RPS6KA2: variants seen among roughly 807,000 people sequenced by gnomAD.
RPS6KA2 encodes ribosomal protein S6 kinase alpha-2.
A neutral mutation model predicts 91.8 loss-of-function variants in RPS6KA2; 42 were observed. The ratio of observed to expected loss-of-function variants is 0.46; its 90% CI spans 0.36 to 0.59. The LOEUF (loss-of-function observed/expected upper bound fraction) is 0.59, where lower values mean the gene tolerates loss of function less well. Among genes scored for constraint, RPS6KA2 ranks in the 20% least tolerant of loss-of-function variants. RPS6KA2 has a pLI of 0.00. For synonymous variants in RPS6KA2, 414 were observed against 393.6 expected, an observed-to-expected ratio of 1.05 and a Z score of -0.61; for missense variants, 798 against 978.5, an observed-to-expected ratio of 0.82 and a Z score of 2.46.
intron 2 of RPS6KA2, among the ~76,000 whole-genome samples, chr6:166,729,636 T>C (rs781499823): frequency 3.9e-5 from 6 of 152,188 alleles, no homozygotes; most frequent in African/African-American, 7.2e-5. Flanking sequence ...GCCACCACAC[T>C]CACCCTGAAA....
chr6:166,765,253 G>T (rs1032658431), intron 2 of RPS6KA2, among the ~76,000 whole-genome samples: 1 of 152,224 alleles, frequency 6.6e-6, no homozygotes, highest in African/African-American at 2.4e-5. Flanking sequence ...AAAGCCAAGT[G>T]CCATGAGAAG....
At chr6:166,847,701 A>G (rs1265545560) in intron 2 of RPS6KA2, among the ~76,000 whole-genome samples, 1 of 152,178 alleles carries the variant, frequency 6.6e-6, no homozygotes, top group Non-Finnish European at 1.5e-5. Context: ...ATAACTGCCT[A>G]CCCACATGTA....
chr6:166,829,589 C>CAAAAAAAAAAAA (rs57711560), intron 2 of RPS6KA2, among the ~76,000 whole-genome samples: 3 of 96,938 alleles, frequency 3.1e-5, no homozygotes, highest in African/African-American at 1.4e-4. Context: ...GACTCTGTCT[C>CAAAAAAAAAAAA]AAAAAAAAAA....
chr6:166,508,197 G>C lies in RPS6KA2; in HGVS notation c.459+6C>G. On this transcript the variant is annotated splice_donor_region_variant and intron_variant, in intron 5 of 20. Coordinates refer to ENST00000265678, the MANE Select transcript of RPS6KA2 (RefSeq NM_021135.6). This position sits in a 1 kb window ranked among gnomAD's most constrained non-coding sequence, Gnocchi z 4.3. ...CGCCCTCCTGTGTGATGTGGCGGCTGCTCACCTCTTTGGAGAGCCGGGTGA... is the reference window on the plus strand; with the variant it reads ...CGCCCTCCTGTGTGATGTGGCGGCTCCTCACCTCTTTGGAGAGCCGGGTGA... 1 of 1,598,994 alleles carries C rather than the reference G, an allele frequency of 6.3e-7. No homozygotes were observed. Among genetic ancestry groups the C allele is most frequent in the Non-Finnish European group, 8.6e-7 (1 of 1,166,930 alleles).
intron 2 of RPS6KA2, among the ~76,000 whole-genome samples, chr6:166,853,349 A>G (rs1391764645): frequency 3.9e-5 from 6 of 152,226 alleles, no homozygotes; most frequent in Non-Finnish European, 7.3e-5. Flanking sequence ...ATAAAAACTC[A>G]CCTAAAAATC....
At chr6:166,690,577 T>C (rs1338305503) in intron 2 of RPS6KA2, among the ~76,000 whole-genome samples, 1 of 152,074 alleles carries the variant, frequency 6.6e-6, no homozygotes, top group East Asian at 1.9e-4. Context: ...ACTCCAGGCG[T>C]CCTCTGACAC....
At chr6:166,591,496 CCCTAATCCAAGATGACTGGATGACCA>C (rs1248676885) in intron 1 of RPS6KA2, among the ~76,000 whole-genome samples, 2 of 152,086 alleles carry the variant, frequency 1.3e-5, no homozygotes. Context: ...AGGCGAGTGG[CCCTAATCCAAGATGACTGGATGACCA>C]CCTAATCCAA....
chr6:166,521,545 A>C (rs1008470775), intron 3 of RPS6KA2, among the ~76,000 whole-genome samples: 1 of 152,194 alleles, frequency 6.6e-6, no homozygotes, highest in Non-Finnish European at 1.5e-5. Flanking sequence ...TGTCTGTCCT[A>C]TGCTGGTCCC....
chr6:166,431,777 C>T (rs1009619991), intron 15 of RPS6KA2, among the ~76,000 whole-genome samples: 2 of 151,944 alleles, frequency 1.3e-5, no homozygotes, highest in Admixed American at 6.6e-5. Context: ...CCACCACACC[C>T]GGCTAATTTT....
At chr6:166,672,040 G>C (rs1027362360) in intron 2 of RPS6KA2, among the ~76,000 whole-genome samples, 10 of 152,174 alleles carry the variant, frequency 6.6e-5, no homozygotes, top group Non-Finnish European at 1.2e-4. Context: ...CCAAGTGCAC[G>C]ACCTCAGCAT....
chr6:166,432,311 G>A, intron 15 of RPS6KA2, 90 bp downstream of exon 15: 2 of 821,704 alleles, frequency 2.4e-6, no homozygotes, highest in Non-Finnish European at 4.0e-6. Flanking sequence ...GGCATGAGAT[G>A]TGAGAAAGCT....
intron 14 of RPS6KA2, among the ~76,000 whole-genome samples, chr6:166,438,351 G>C (rs139032821): frequency 6.6e-6 from 1 of 152,280 alleles, no homozygotes; most frequent in Non-Finnish European, 1.5e-5. Flanking sequence ...ACGGTCTCAC[G>C]TGAGTACAGA....
intron 2 of RPS6KA2, among the ~76,000 whole-genome samples, chr6:166,804,157 A>G (rs1028267039): frequency 1.5e-5 from 2 of 137,000 alleles, no homozygotes; most frequent in Admixed American, 1.6e-4. Context: ...CTGGAATAAT[A>G]TATGTAAATT....
In RPS6KA2 at chr6:166,666,506, G is replaced by A. The variant is rs996969069; in HGVS notation, c.124-127722C>T. On this transcript the variant is annotated intron_variant, in intron 2 of 21. Coordinates refer to the RPS6KA2 transcript ENST00000503859. The surrounding 1 kb of genome is among the most constrained non-coding windows in gnomAD (Gnocchi z 4.0). ...AGAAGCATATGGAAAGATGCTCAAC[G>A]CCAGTCACTAATCCTTAGGGAAATG... is the stretch of plus-strand genomic sequence containing the variant. Among the ~76,000 whole-genome samples, 5 of 152,154 alleles carry A rather than the reference G, an allele frequency of 3.3e-5. No individual in the cohort carries two copies. Among genetic ancestry groups the A allele is most frequent in the Non-Finnish European group, 4.4e-5 (3 of 68,026 alleles).
At position 166,627,044 on chromosome 6, in the gene RPS6KA2, C is replaced by A. The variant is rs1480539541; in HGVS notation, c.-25G>T. On this transcript the variant is annotated 5_prime_UTR_variant, in exon 1 of 21. Transcript: ENST00000265678. ...TCGCCCCGCGCCCAGCCCGGAGCAG[C>A]CGCAGGGCCGGGGGACGCGCATCCC... 7.1e-7 allele frequency: 1 copy of A among 1,408,950 alleles called. No homozygotes were observed. Among genetic ancestry groups the A allele is most frequent in the East Asian group, 3.0e-5 (1 of 33,014 alleles). The allele number at this position is 1,408,950 out of a possible 1,614,324, so 87.3% of individuals were successfully genotyped here.
intron 1 of RPS6KA2, among the ~76,000 whole-genome samples, chr6:166,546,232 C>T (rs1294955796): frequency 1.3e-5 from 2 of 152,134 alleles, no homozygotes; most frequent in African/African-American, 4.8e-5. Flanking sequence ...GCCTCACACT[C>T]GGGGCAGGTG....
Position 166,770,040 on chromosome 6 carries a change from T to C in RPS6KA2, c.123+88160A>G, listed in dbSNP as rs1778423476. ...TTTAACGTATCAATGTAGATGAACA[T>C]AAGCTCAACCAGAAACCAACTTCCA... On this transcript the variant is annotated intron_variant, in intron 2 of 21. Transcript: ENST00000503859. This position sits in a 1 kb window ranked among gnomAD's most constrained non-coding sequence, Gnocchi z 5.1. Among the ~76,000 whole-genome samples the C allele has an allele frequency of 6.6e-6, 1 of 152,172 alleles. No individual in the cohort carries two copies. Among genetic ancestry groups the C allele is most frequent in the African/African-American group, 2.4e-5 (1 of 41,436 alleles).
intron 14 of RPS6KA2, among the ~76,000 whole-genome samples, chr6:166,443,033 C>T (rs1171505433): frequency 6.6e-6 from 1 of 152,044 alleles, no homozygotes; most frequent in Non-Finnish European, 1.5e-5. Flanking sequence ...ATAAACGGTC[C>T]ATTAACACAT....
At chr6:166,620,201 C>T (rs1786574642) in intron 1 of RPS6KA2, among the ~76,000 whole-genome samples, 1 of 152,184 alleles carries the variant, frequency 6.6e-6, no homozygotes, top group African/African-American at 2.4e-5. Flanking sequence ...TCTTATTTGT[C>T]AATCTCATTC....
Sources: gnomAD v4.1 joint callset for allele counts (sites outside exome capture counted in the v4.1 genomes callset) on GRCh38, gnomAD v4.1.1 for gene constraint, Gnocchi (gnomAD v3.1) non-coding constraint, MANE v1.5 for transcripts, NCBI Gene and HGNC (gene_info 2026-07-23, HGNC 2026-07-21) for gene names.